The following LDAH variants were observed in gnomAD, a reference collection of about 807,000 sequenced individuals.
The protein encoded by LDAH is lipid droplet-associated hydrolase.
Under a neutral mutation model 29.6 loss-of-function variants are expected in LDAH, and 26 were observed. That is an observed-to-expected ratio of 0.88 (90% CI 0.64 to 1.22). LDAH has a LOEUF of 1.22. LDAH is among the 50% of genes most tolerant of loss of function. LDAH has a pLI of 0.00. For missense variants in LDAH, 344 were observed against 387.3 expected, an observed-to-expected ratio of 0.89 and a Z score of 0.94; for synonymous variants, 117 against 133.0, an observed-to-expected ratio of 0.88 and a Z score of 0.83.
At chr2:20,727,173 T>C (rs568456050) in intron 5 of LDAH, among the ~76,000 whole-genome samples, 1 of 152,288 alleles carries the variant, frequency 6.6e-6, no homozygotes, top group African/African-American at 2.4e-5. Context: ...GGCCTGGAGT[T>C]TGAGACTAGC....
At chr2:20,733,350 C>G (rs1363119566) in intron 5 of LDAH, among the ~76,000 whole-genome samples, 4 of 149,978 alleles carry the variant, frequency 2.7e-5, no homozygotes, top group Non-Finnish European at 5.9e-5. Flanking sequence ...TCCATCTTAG[C>G]CTGCCCAAAG....
At position 20,806,758 on chromosome 2, in the gene LDAH, G is replaced by T. The variant is rs550856716; in HGVS notation, c.-2-5293C>A. On this transcript the variant is annotated intron_variant, in intron 1 of 6. Transcript: ENST00000237822. Reference sequence around the variant, plus strand: ...GAGAAGCAATAGAGAATAGAAAATAGGACACAAAATGTATGAAATGCAGAT... The same window carrying T: ...GAGAAGCAATAGAGAATAGAAAATATGACACAAAATGTATGAAATGCAGAT... Among the ~76,000 whole-genome samples, 5 of 151,656 alleles carry T rather than the reference G, an allele frequency of 3.3e-5. No individual in the cohort carries two copies. The East Asian group carries it at 9.7e-4, about 29-fold the overall frequency.
chr2:20,750,430 T>C (rs1189474702), intron 4 of LDAH, among the ~76,000 whole-genome samples: 1 of 152,204 alleles, frequency 6.6e-6, no homozygotes, highest in Admixed American at 6.5e-5. Flanking sequence ...ATAGCATTGC[T>C]GATAGCCTTT....
chr2:20,757,576 T>C (rs1192766633), intron 4 of LDAH, among the ~76,000 whole-genome samples: 1 of 152,202 alleles, frequency 6.6e-6, no homozygotes, highest in African/African-American at 2.4e-5. Context: ...ACATGTCAGC[T>C]TGACTGGGCC....
At position 20,710,633 on chromosome 2, in the gene LDAH, T is replaced by C. The variant is rs1435798386; in HGVS notation, c.704-8981A>G. On this transcript the variant is annotated intron_variant, in intron 5 of 6. Coordinates refer to ENST00000237822, the MANE Select transcript of LDAH (RefSeq NM_021925.4). Reference sequence around the variant, plus strand: ...ATATATATATATAGATATATATATATAGATATATAGTATACATATATATAC... The same window carrying C: ...ATATATATATATAGATATATATATACAGATATATAGTATACATATATATAC... Among the ~76,000 whole-genome samples the C allele has an allele frequency of 1.0e-4, 14 of 134,646 alleles. No homozygotes were observed. In the East Asian group the frequency reaches 2.5e-3, roughly 24 times the overall value. The allele number at this position is 134,646 out of a possible 152,430, so 88.3% of individuals were successfully genotyped here.
At chr2:20,722,193 T>C (rs1286339941) in intron 5 of LDAH, among the ~76,000 whole-genome samples, 2 of 151,950 alleles carry the variant, frequency 1.3e-5, no homozygotes, top group African/African-American at 2.4e-5. Flanking sequence ...CTGGCCAACA[T>C]GGTGAAACCG....
rs530651984 is a variant in LDAH, at chr2:20,805,204, T to C, written c.-2-3739A>G. ...CAAAATTAGTGAGAATTCAACTAGA[T>C]ATGAAAATCAAGCTCAGTCTATAAA... On this transcript the variant is annotated intron_variant, in intron 1 of 6. Coordinates refer to ENST00000237822, the MANE Select transcript of LDAH (RefSeq NM_021925.4). 1.3e-4 allele frequency among the ~76,000 whole-genome samples: 20 copies of C among 152,232 alleles called. No homozygotes were observed. In the East Asian group the frequency reaches 3.7e-3, roughly 28 times the overall value.
chr2:20,754,442 G>C (rs571399690), intron 4 of LDAH, among the ~76,000 whole-genome samples: 1 of 129,818 alleles, frequency 7.7e-6, no homozygotes, highest in South Asian at 2.5e-4. Flanking sequence ...AGTGAGCTGA[G>C]ATCATGCTAC....
chr2:20,792,115 T>C (rs971881738), intron 2 of LDAH, among the ~76,000 whole-genome samples: 53 of 152,118 alleles, frequency 3.5e-4, no homozygotes, highest in African/African-American at 1.2e-3. Context: ...CTCTTTGGGA[T>C]TGTGACTAAA....
At position 20,685,408 on chromosome 2, in the gene LDAH, C is replaced by A; in HGVS notation, c.*1495G>T. ...TAAAGGATCTGTGTACAGCCCTGTG[C>A]TTACGGCCTATGTATCTATTAGCTC... On this transcript the variant is annotated 3_prime_UTR_variant, in exon 7 of 7. Transcript: ENST00000237822. 3 of 1,090,826 alleles carry A rather than the reference C, an allele frequency of 2.8e-6. No individual in the cohort carries two copies. Among genetic ancestry groups the A allele is most frequent in the Non-Finnish European group, 3.8e-6 (3 of 779,914 alleles). 67.6% of individuals were successfully genotyped at this position (1,090,826 alleles called of 1,614,324 possible). A position where few individuals can be genotyped will look rare whatever the true frequency, so the allele number is the denominator to read the frequency against.
rs114592982 is a variant in LDAH at position 20,794,659 on chromosome 2, G to A, written c.155-4261C>T. On this transcript the variant is annotated intron_variant, in intron 2 of 6. Coordinates refer to ENST00000237822, the MANE Select transcript of LDAH (RefSeq NM_021925.4). ...AAGAAAAACCATACGATCCTCAACA[G>A]ATGCAGAAAAAAATGGAAGTTTTAT... 6.4e-3 allele frequency among the ~76,000 whole-genome samples: 973 copies of A among 152,152 alleles called. 14 individuals are homozygous for A. The highest frequency in any genetic ancestry group is 0.022 in the African/African-American group (909 of 41,514).
intron 1 of LDAH, among the ~76,000 whole-genome samples, chr2:20,811,497 G>GT (rs1174903659): frequency 2.8e-5 from 4 of 141,296 alleles, no homozygotes; most frequent in Admixed American, 6.9e-5. Context: ...TTTTTTTTTT[G>GT]TTTTTTGAGA....
At chr2:20,766,524 C>A (rs976265558) in intron 4 of LDAH, among the ~76,000 whole-genome samples, 2 of 152,168 alleles carry the variant, frequency 1.3e-5, no homozygotes, top group Non-Finnish European at 2.9e-5. Flanking sequence ...GGCAGCCTAC[C>A]CTCAAAGGAT....
At chr2:20,734,575 T>TC in intron 5 of LDAH, among the ~76,000 whole-genome samples, 1 of 152,256 alleles carries the variant, frequency 6.6e-6, no homozygotes, top group South Asian at 2.1e-4. Context: ...CCCTGTACCC[T>TC]CCCCCATTTA....
chr2:20,781,560 T>C (rs186461850), intron 3 of LDAH, among the ~76,000 whole-genome samples: 1 of 152,298 alleles, frequency 6.6e-6, no homozygotes, highest in Admixed American at 6.5e-5. Context: ...TTTGCAAACA[T>C]AACCTCCAAT....
At chr2:20,746,676 T>C (rs1406844525) in intron 4 of LDAH, among the ~76,000 whole-genome samples, 1 of 151,974 alleles carries the variant, frequency 6.6e-6, no homozygotes, top group Non-Finnish European at 1.5e-5. Context: ...ATTCTTCATA[T>C]TGGTAAAAAA....
chr2:20,725,928 CAT>C (rs1186219611), intron 5 of LDAH, among the ~76,000 whole-genome samples: 1 of 152,176 alleles, frequency 6.6e-6, no homozygotes, highest in African/African-American at 2.4e-5. Flanking sequence ...AGAGTAGAAA[CAT>C]ACGACCCATG....
intron 1 of LDAH, among the ~76,000 whole-genome samples, chr2:20,808,866 A>T (rs955989858): frequency 3.9e-5 from 6 of 152,178 alleles, no homozygotes; most frequent in African/African-American, 7.2e-5. Flanking sequence ...AGGAGTAAGG[A>T]AAACAAGGTC....
intron 3 of LDAH, among the ~76,000 whole-genome samples, chr2:20,786,266 T>C (rs1160164784): frequency 6.6e-6 from 1 of 152,176 alleles, no homozygotes; most frequent in East Asian, 1.9e-4. Context: ...CTCGGCTCAC[T>C]GCAACCTCTG....
Sources: allele counts gnomAD v4.1 joint callset (sites outside exome capture counted in the v4.1 genomes callset), GRCh38; gene constraint gnomAD v4.1.1; transcripts MANE v1.5; gene names NCBI Gene and HGNC (gene_info 2026-07-23, HGNC 2026-07-21).